The following BRINP3 variants were observed in gnomAD, a reference collection of about 807,000 sequenced individuals.
The protein encoded by BRINP3 is BMP/retinoic acid inducible neural specific 3, also known as BMP/retinoic acid-inducible neural-specific protein 3.
BRINP3 carries 19 observed loss-of-function variants against 71.0 expected under a neutral mutation model. The ratio of observed to expected loss-of-function variants is 0.27; its 90% CI spans 0.19 to 0.39. The LOEUF (loss-of-function observed/expected upper bound fraction) is 0.39. Ranked by LOEUF, BRINP3 falls within the 10% of genes least tolerant of loss-of-function variation. The pLI, the probability that BRINP3 is intolerant of heterozygous loss-of-function variation, is 1.00. For missense variants in BRINP3, 959 were observed against 940.8 expected, an observed-to-expected ratio of 1.02 and a Z score of -0.25; for synonymous variants, 380 against 337.7, an observed-to-expected ratio of 1.13 and a Z score of -1.37.
intron 3 of BRINP3, among the ~76,000 whole-genome samples, chr1:190,268,687 C>T (rs1661854855): frequency 6.6e-6 from 1 of 152,064 alleles, no homozygotes; most frequent in Non-Finnish European, 1.5e-5. Flanking sequence ...TGCACATATA[C>T]AGTAACAAAA....
chr1:190,205,037 A>G (rs1312891935), intron 6 of BRINP3, among the ~76,000 whole-genome samples: 1 of 151,606 alleles, frequency 6.6e-6, no homozygotes, highest in South Asian at 2.1e-4. Context: ...ACTTCTGAGC[A>G]GAATCTTCAC....
intron 2 of BRINP3, among the ~76,000 whole-genome samples, chr1:190,435,293 C>T (rs972319171): frequency 9.9e-5 from 15 of 152,024 alleles, no homozygotes; most frequent in Non-Finnish European, 2.1e-4. Flanking sequence ...GAGCTAGATA[C>T]TTCAAACTTT....
chr1:190,374,713 G>T (rs560644605), intron 2 of BRINP3, among the ~76,000 whole-genome samples: 1 of 151,482 alleles, frequency 6.6e-6, no homozygotes, highest in African/African-American at 2.4e-5. Context: ...ACAATAATAA[G>T]AACAAAAAGC....
At chr1:190,389,744 C>T (rs577468614) in intron 2 of BRINP3, among the ~76,000 whole-genome samples, 14 of 151,886 alleles carry the variant, frequency 9.2e-5, no homozygotes, top group South Asian at 8.3e-4. Context: ...ACTATTGGAA[C>T]GGAAACAAAC....
At chr1:190,248,299 C>T (rs1159597103) in intron 4 of BRINP3, among the ~76,000 whole-genome samples, 1 of 151,230 alleles carries the variant, frequency 6.6e-6, no homozygotes, top group Non-Finnish European at 1.5e-5. Context: ...AGTCAAGTTG[C>T]TATTTATTTT....
chr1:190,276,541 A>T (rs1299285851), intron 3 of BRINP3, among the ~76,000 whole-genome samples: 1 of 150,736 alleles, frequency 6.6e-6, no homozygotes. Flanking sequence ...TCTGACTTAC[A>T]CTTTCTTTAA....
chr1:190,459,756 G>T, intron 1 of BRINP3, among the ~76,000 whole-genome samples: 1 of 151,982 alleles, frequency 6.6e-6, no homozygotes, highest in East Asian at 1.9e-4. Context: ...ACCTGCTGAA[G>T]AACTTGAATA....
At chr1:190,447,751 G>T (rs960175606) in intron 2 of BRINP3, among the ~76,000 whole-genome samples, 1 of 151,228 alleles carries the variant, frequency 6.6e-6, no homozygotes, top group Non-Finnish European at 1.5e-5. Context: ...AAAGGAGAAA[G>T]TATGTTTCAT....
intron 6 of BRINP3, among the ~76,000 whole-genome samples, chr1:190,178,135 G>T (rs753584985): frequency 6.6e-6 from 1 of 152,022 alleles, no homozygotes; most frequent in African/African-American, 2.4e-5. Context: ...GACTGTATTT[G>T]TATCATATTT....
intron 2 of BRINP3, among the ~76,000 whole-genome samples, chr1:190,393,084 T>C (rs1448969636): frequency 6.6e-6 from 1 of 151,622 alleles, no homozygotes; most frequent in Non-Finnish European, 1.5e-5. Context: ...GGCATGTATC[T>C]AGTACATTAT....
intron 2 of BRINP3, among the ~76,000 whole-genome samples, chr1:190,383,156 T>C (rs547447000): frequency 4.6e-5 from 7 of 152,306 alleles, no homozygotes; most frequent in Non-Finnish European, 7.3e-5. Flanking sequence ...GGGTGCTTTG[T>C]ATGAGATCGT....
intron 2 of BRINP3, among the ~76,000 whole-genome samples, chr1:190,370,838 C>T (rs1669815712): frequency 6.6e-6 from 1 of 152,076 alleles, no homozygotes. Context: ...AATAGACTGT[C>T]TAAGAGGTGT....
chr1:190,168,646 A>G (rs1392072955), intron 6 of BRINP3, among the ~76,000 whole-genome samples: 1 of 152,214 alleles, frequency 6.6e-6, no homozygotes, highest in African/African-American at 2.4e-5. Context: ...GTTTCTGCTT[A>G]AAGTATAAAT....
At chr1:190,263,659 C>T (rs182903584) in intron 4 of BRINP3, among the ~76,000 whole-genome samples, 2 of 150,220 alleles carry the variant, frequency 1.3e-5, no homozygotes, top group East Asian at 2.0e-4. Flanking sequence ...GTGTGATCTC[C>T]GCTCACTGCA....
chr1:190,413,623 T>C (rs1038204424), intron 2 of BRINP3, among the ~76,000 whole-genome samples: 1 of 152,160 alleles, frequency 6.6e-6, no homozygotes, highest in African/African-American at 2.4e-5. Context: ...AAGCAAGGAA[T>C]GGATTGTCTC....
intron 2 of BRINP3, among the ~76,000 whole-genome samples, chr1:190,417,242 C>CA (rs896314962): frequency 1.0e-4 from 15 of 146,226 alleles, no homozygotes; most frequent in South Asian, 2.2e-4. Flanking sequence ...TGGCTCTTAA[C>CA]AAAAAAAAAA....
intron 6 of BRINP3, among the ~76,000 whole-genome samples, chr1:190,190,331 C>T (rs910308541): frequency 2.0e-5 from 3 of 152,074 alleles, no homozygotes; most frequent in African/African-American, 7.2e-5. Flanking sequence ...CACAGGACTG[C>T]TTGGTTTTGG....
chr1:190,213,988 T>A (rs943086524), intron 6 of BRINP3, among the ~76,000 whole-genome samples: 1 of 152,050 alleles, frequency 6.6e-6, no homozygotes, highest in Non-Finnish European at 1.5e-5. Flanking sequence ...CCCAGGCATA[T>A]TCTCCAATTC....
intron 2 of BRINP3, among the ~76,000 whole-genome samples, chr1:190,374,704 CAAT>C (rs1321770035): frequency 1.3e-5 from 2 of 151,252 alleles, no homozygotes; most frequent in African/African-American, 4.9e-5. Flanking sequence ...ATATAAATAA[CAAT>C]AATAAGAACA....
Sources: gnomAD v4.1 joint callset for allele counts (sites outside exome capture counted in the v4.1 genomes callset) on GRCh38, gnomAD v4.1.1 for gene constraint, MANE v1.5 for transcripts, NCBI Gene and HGNC (gene_info 2026-07-23, HGNC 2026-07-21) for gene names.